SEMA5A: variants seen among roughly 807,000 people sequenced by gnomAD.
SEMA5A encodes the protein semaphorin 5A.
A neutral mutation model predicts 135.5 loss-of-function variants in SEMA5A; 55 were observed. The observed-to-expected ratio is 0.41, with a 90% CI of 0.33 to 0.51. The LOEUF (loss-of-function observed/expected upper bound fraction) is 0.51. SEMA5A is among the 20% of genes least tolerant of loss of function. The probability of loss-of-function intolerance (pLI) is 0.37; values close to 1 mark genes in which losing one functional copy is unlikely to be tolerated. For missense variants in SEMA5A, 1,290 were observed against 1,419.9 expected, an observed-to-expected ratio of 0.91 and a Z score of 1.47; for synonymous variants, 580 against 546.5, an observed-to-expected ratio of 1.06 and a Z score of -0.85.
chr5:9,309,808 T>C (rs1752039525), intron 5 of SEMA5A, among the ~76,000 whole-genome samples: 1 of 152,062 alleles, frequency 6.6e-6, no homozygotes, highest in Non-Finnish European at 1.5e-5. Flanking sequence ...CTATAAATCT[T>C]CCAGAACGTT....
At chr5:9,384,059 G>C (rs1162312210) in intron 2 of SEMA5A, among the ~76,000 whole-genome samples, 4 of 152,132 alleles carry the variant, frequency 2.6e-5, no homozygotes, top group African/African-American at 9.7e-5. Context: ...ATAATTTTCA[G>C]ACTACAACAT....
intron 2 of SEMA5A, among the ~76,000 whole-genome samples, chr5:9,430,606 T>C (rs1757823289): frequency 1.3e-5 from 2 of 151,904 alleles, no homozygotes; most frequent in Admixed American, 1.3e-4. Flanking sequence ...TAAAGCCAAG[T>C]AGAGAAAGTA....
intron 2 of SEMA5A, among the ~76,000 whole-genome samples, chr5:9,406,083 G>A (rs1756875401): frequency 6.6e-6 from 1 of 152,184 alleles, no homozygotes; most frequent in Non-Finnish European, 1.5e-5. Flanking sequence ...TAGACATGGA[G>A]GAAGAATTTG....
intron 15 of SEMA5A, among the ~76,000 whole-genome samples, chr5:9,113,907 CAT>C (rs1261726673): frequency 6.6e-6 from 1 of 152,176 alleles, no homozygotes; most frequent in Non-Finnish European, 1.5e-5. Flanking sequence ...AAAAGATAAA[CAT>C]AGAATTAACA....
chr5:9,474,511 G>T (rs1460006887), intron 1 of SEMA5A, among the ~76,000 whole-genome samples: 1 of 151,720 alleles, frequency 6.6e-6, no homozygotes, highest in Non-Finnish European at 1.5e-5. Flanking sequence ...AGGGCATTCT[G>T]GTATTTCATC....
At chr5:9,302,754 G>A (rs1361188660) in intron 5 of SEMA5A, among the ~76,000 whole-genome samples, 1 of 152,188 alleles carries the variant, frequency 6.6e-6, no homozygotes, top group Non-Finnish European at 1.5e-5. Flanking sequence ...TGCTGACGGT[G>A]AGAAAGAAGA....
At chr5:9,380,186 G>T in intron 2 of SEMA5A, 163 bp from the exon 3 acceptor site, 1 of 500,232 alleles carries the variant, frequency 2.0e-6, no homozygotes, top group Non-Finnish European at 3.6e-6. Flanking sequence ...ATCCCAGGTC[G>T]TGTGTGTGTA....
chr5:9,372,735 G>A (rs1396045785), intron 3 of SEMA5A, among the ~76,000 whole-genome samples: 1 of 151,544 alleles, frequency 6.6e-6, no homozygotes, highest in Non-Finnish European at 1.5e-5. Flanking sequence ...CATAGAGGGA[G>A]ACATGGATAT....
intron 16 of SEMA5A, among the ~76,000 whole-genome samples, chr5:9,102,278 A>G (rs951254673): frequency 7.2e-5 from 11 of 152,228 alleles, no homozygotes; most frequent in Non-Finnish European, 2.9e-5. Flanking sequence ...AGTACACACC[A>G]TTGCAAGGAG....
intron 1 of SEMA5A, among the ~76,000 whole-genome samples, chr5:9,463,416 A>C (rs150506245): frequency 3.2e-4 from 48 of 152,332 alleles, no homozygotes; most frequent in African/African-American, 1.1e-3. Context: ...AATATCATGA[A>C]CAATTAAGTA....
At chr5:9,514,194 T>C (rs1485773374) in intron 1 of SEMA5A, among the ~76,000 whole-genome samples, 2 of 152,182 alleles carry the variant, frequency 1.3e-5, no homozygotes, top group East Asian at 3.9e-4. Flanking sequence ...TTTTCCTCTC[T>C]ATCTGCAGCA....
intron 8 of SEMA5A, among the ~76,000 whole-genome samples, chr5:9,205,803 T>C (rs113085058): frequency 4.2e-4 from 64 of 152,312 alleles, no homozygotes; most frequent in Admixed American, 1.1e-3. Context: ...GGCCCTACAC[T>C]GATCCTTCAG....
In SEMA5A at chr5:9,036,272, A is replaced by G. The variant is rs187859367; in HGVS notation, c.*6625T>C. 1 of 152,154 alleles carries G rather than the reference A, an allele frequency of 6.6e-6. No individual in the cohort carries two copies. The highest frequency in any genetic ancestry group is 1.5e-5 in the Non-Finnish European group (1 of 68,032). 9.4% of individuals were successfully genotyped at this position (152,154 alleles called of 1,614,324 possible). On this transcript the variant is annotated 3_prime_UTR_variant, in exon 23 of 23. Transcript: ENST00000382496. ...CCAACAGTCATGGTAAAAGAGAAAA[A>G]CAATCAACTTCAGCAGAGATAATAC...
chr5:9,361,643 T>C (rs1168088357), intron 3 of SEMA5A, among the ~76,000 whole-genome samples: 2 of 152,220 alleles, frequency 1.3e-5, no homozygotes, highest in Non-Finnish European at 2.9e-5. Flanking sequence ...CTATACTCTG[T>C]CTCATCCACA....
At chr5:9,274,418 T>A (rs1750148680) in intron 5 of SEMA5A, among the ~76,000 whole-genome samples, 1 of 152,070 alleles carries the variant, frequency 6.6e-6, no homozygotes, top group South Asian at 2.1e-4. Flanking sequence ...CAATATTAGA[T>A]CAATGAGACA....
intron 1 of SEMA5A, among the ~76,000 whole-genome samples, chr5:9,521,237 C>T (rs1736809993): frequency 6.6e-6 from 1 of 152,138 alleles, no homozygotes; most frequent in Non-Finnish European, 1.5e-5. Context: ...TGGCGAAACC[C>T]CATCTCTACT....
rs1752559866 is a variant in SEMA5A, at chr5:9,320,085, C to T, written c.225-1668G>A. Reference sequence around the variant, plus strand: ...GTCCAGGCATTGCCTCCTGGGCATTCAGGTTTCACACAGTTTGCCTCCTCA... The same window carrying T: ...GTCCAGGCATTGCCTCCTGGGCATTTAGGTTTCACACAGTTTGCCTCCTCA... On this transcript the variant is annotated intron_variant, in intron 4 of 22. Coordinates refer to ENST00000382496, the MANE Select transcript of SEMA5A (RefSeq NM_003966.3). 2.6e-5 allele frequency among the ~76,000 whole-genome samples: 4 copies of T among 152,184 alleles called. No homozygotes were observed. The South Asian group carries it at 8.3e-4, about 32-fold the overall frequency.
intron 12 of SEMA5A, among the ~76,000 whole-genome samples, chr5:9,140,360 C>A (rs185063474): frequency 8.6e-4 from 131 of 152,302 alleles, no homozygotes; most frequent in Non-Finnish European, 1.4e-3. Context: ...CTATCACAAC[C>A]AATGACTAAG....
At chr5:9,495,486 C>T (rs1043473515) in intron 1 of SEMA5A, among the ~76,000 whole-genome samples, 5 of 152,196 alleles carry the variant, frequency 3.3e-5, no homozygotes, top group Admixed American at 1.3e-4. Flanking sequence ...AGAATCTGTG[C>T]TCCATCATTA....
Sources: allele counts gnomAD v4.1 joint callset (sites outside exome capture counted in the v4.1 genomes callset), GRCh38; gene constraint gnomAD v4.1.1; transcripts MANE v1.5; gene names NCBI Gene and HGNC (gene_info 2026-07-23, HGNC 2026-07-21).